SPMAP2L: variants seen among roughly 807,000 people sequenced by gnomAD.
SPMAP2L encodes the protein sperm microtubule associated protein 2-like.
chr4:56,563,425 T>A, the SPMAP2L span, among the ~76,000 whole-genome samples: 4 of 151,950 alleles, frequency 2.6e-5, no homozygotes, highest in African/African-American at 9.7e-5. Flanking sequence ...CTTTTGATGC[T>A]CATTATGAAT....
the SPMAP2L span, among the ~76,000 whole-genome samples, chr4:56,590,765 C>A: frequency 6.6e-6 from 1 of 152,138 alleles, no homozygotes; most frequent in African/African-American, 2.4e-5. Flanking sequence ...TATTTTAAGT[C>A]TTTTTAGATC....
At chr4:56,582,242 A>G in the SPMAP2L span, among the ~76,000 whole-genome samples, 12,332 of 152,230 alleles carry the variant, frequency 0.081, 625 homozygotes, top group East Asian at 0.23. Context: ...AAAGGACACT[A>G]CCAAGAGAGT....
chr4:56,597,904 C>A, the SPMAP2L span, among the ~76,000 whole-genome samples: 1 of 151,962 alleles, frequency 6.6e-6, no homozygotes, highest in African/African-American at 2.4e-5. Context: ...GCTCTGTCAC[C>A]CAGGCTGGAG....
At chr4:56,578,695 C>A in the SPMAP2L span, among the ~76,000 whole-genome samples, 7 of 151,942 alleles carry the variant, frequency 4.6e-5, no homozygotes, top group Non-Finnish European at 8.8e-5. Context: ...CTGGATTGGC[C>A]ATACTGATAT....
chr4:56,558,169 T>C, the SPMAP2L span, among the ~76,000 whole-genome samples: 3 of 152,130 alleles, frequency 2.0e-5, no homozygotes, highest in Non-Finnish European at 4.4e-5. Context: ...GGTTTCACCA[T>C]GTTGGCCAGG....
At chr4:56,592,039 C>G in the SPMAP2L span, among the ~76,000 whole-genome samples, 1 of 152,214 alleles carries the variant, frequency 6.6e-6, no homozygotes, top group Non-Finnish European at 1.5e-5. Context: ...AATCAGGCAG[C>G]ACAGCAGGAG....
At chr4:56,594,057 C>T in the SPMAP2L span, 1 of 1,610,778 alleles carries the variant, frequency 6.2e-7, no homozygotes, top group Non-Finnish European at 8.5e-7. Flanking sequence ...GAGGATGGCA[C>T]ACTTGGTATT....
At chr4:56,577,061 C>T in the SPMAP2L span, among the ~76,000 whole-genome samples, 3 of 152,226 alleles carry the variant, frequency 2.0e-5, no homozygotes, top group Non-Finnish European at 4.4e-5. Flanking sequence ...CCAAGATTTT[C>T]CTTAGGCTAA....
chr4:56,623,367 T>C, the SPMAP2L span, among the ~76,000 whole-genome samples: 1 of 152,192 alleles, frequency 6.6e-6, no homozygotes, highest in Non-Finnish European at 1.5e-5. Context: ...TGTAAGCTTT[T>C]GGAACAAGGA....
At chr4:56,542,538 T>A in the SPMAP2L span, among the ~76,000 whole-genome samples, 2 of 152,078 alleles carry the variant, frequency 1.3e-5, no homozygotes, top group Non-Finnish European at 2.9e-5. Flanking sequence ...CTACAGTCTG[T>A]TTGTCTCTGT....
chr4:56,599,168 T>C, the SPMAP2L span, among the ~76,000 whole-genome samples: 2 of 152,104 alleles, frequency 1.3e-5, no homozygotes, highest in African/African-American at 2.4e-5. Context: ...TATGTATATA[T>C]ACACAATAAT....
At chr4:56,570,769 C>T in the SPMAP2L span, among the ~76,000 whole-genome samples, 1 of 151,838 alleles carries the variant, frequency 6.6e-6, no homozygotes, top group African/African-American at 2.4e-5. Flanking sequence ...CACTTTAGCT[C>T]ACAATAAGCT....
the SPMAP2L span, among the ~76,000 whole-genome samples, chr4:56,619,310 T>C: frequency 8.5e-5 from 13 of 152,342 alleles, no homozygotes; most frequent in Admixed American, 3.9e-4. Context: ...GAGGAACTAC[T>C]GTATAGGTAC....
the SPMAP2L span, among the ~76,000 whole-genome samples, chr4:56,578,638 G>A: frequency 2.0e-5 from 3 of 151,936 alleles, no homozygotes; most frequent in Non-Finnish European, 4.4e-5. Context: ...TAGACTGAAA[G>A]TAAAAAAATG....
chr4:56,576,502 A>G, the SPMAP2L span, among the ~76,000 whole-genome samples: 1 of 152,206 alleles, frequency 6.6e-6, no homozygotes, highest in Non-Finnish European at 1.5e-5. Context: ...TGGGTAATGG[A>G]AACTGTCCAG....
At chr4:56,603,658 C>T in the SPMAP2L span, among the ~76,000 whole-genome samples, 1 of 152,146 alleles carries the variant, frequency 6.6e-6, no homozygotes, top group African/African-American at 2.4e-5. Context: ...GTGGGTTTTG[C>T]TTTTCCTTTC....
the SPMAP2L span, among the ~76,000 whole-genome samples, chr4:56,565,256 G>C: frequency 6.6e-6 from 1 of 152,164 alleles, no homozygotes; most frequent in African/African-American, 2.4e-5. Flanking sequence ...CAGTTATTAT[G>C]ATGGCATATT....
At chr4:56,546,018 T>C in the SPMAP2L span, among the ~76,000 whole-genome samples, 1 of 152,314 alleles carries the variant, frequency 6.6e-6, no homozygotes, top group East Asian at 1.9e-4. Flanking sequence ...GGTCTTGAAC[T>C]CCTGACCTCA....
At chr4:56,615,219 C>T in the SPMAP2L span, among the ~76,000 whole-genome samples, 2 of 152,328 alleles carry the variant, frequency 1.3e-5, no homozygotes, top group East Asian at 3.9e-4. Flanking sequence ...TGAGGATTTG[C>T]AGGTGGAGGA....
Sources: gnomAD v4.1 joint callset for allele counts (sites outside exome capture counted in the v4.1 genomes callset) on GRCh38, gnomAD v4.1.1 for gene constraint, MANE v1.5 for transcripts, NCBI Gene and HGNC (gene_info 2026-07-23, HGNC 2026-07-21) for gene names.